Variants in GALK2 observed in about 807,000 individuals in gnomAD.
The protein encoded by GALK2 is galactokinase 2, also known as N-acetylgalactosamine kinase.
GALK2 carries 36 observed loss-of-function variants against 52.4 expected under a neutral mutation model. That is an observed-to-expected ratio of 0.69 (90% CI 0.53 to 0.91). The LOEUF is 0.91. Ranked by LOEUF, GALK2 falls within the 40% of genes least tolerant of loss-of-function variation. The probability of loss-of-function intolerance (pLI) is 0.00; values close to 1 mark genes in which losing one functional copy is unlikely to be tolerated. For missense variants in GALK2, 579 were observed against 559.1 expected (o/e 1.04, Z -0.36); for synonymous variants, 176 against 199.1 (o/e 0.88, Z 0.98).
In GALK2 at chr15:49,283,723, G is replaced by T; in HGVS notation, c.756+5G>T. The T allele has an allele frequency of 6.2e-7, 1 of 1,613,318 alleles. No individual in the cohort carries two copies. The highest frequency in any genetic ancestry group is 1.1e-5 in the South Asian group (1 of 90,814). ...GAGTGTCGGCTGGCTGCGAAGGTAT[G>T]AACTTGGCAGGCTAGTGAAACTTGA... is the stretch of plus-strand genomic sequence containing the variant. On this transcript the variant is annotated splice_donor_5th_base_variant and intron_variant, in intron 7 of 9. Transcript: ENST00000560031.
intron 1 of GALK2, among the ~76,000 whole-genome samples, chr15:49,200,786 C>G (rs138532845): frequency 6.6e-6 from 1 of 152,122 alleles, no homozygotes; most frequent in Non-Finnish European, 1.5e-5. Context: ...AATATACTAC[C>G]GCATGGTACA....
chr15:49,327,129 C>A (rs1851839384), intron 9 of GALK2: 1 of 152,148 alleles, frequency 6.6e-6, no homozygotes, highest in Non-Finnish European at 1.5e-5. Flanking sequence ...TGGTTGAAAT[C>A]TTAGGTTTGA....
At chr15:49,365,439 T>C (rs2044980505) in intron 3 of GALK2, 8 of 923,702 alleles carry the variant, frequency 8.7e-6, no homozygotes, top group Non-Finnish European at 1.4e-5. Context: ...AACAGGCCTG[T>C]ACAATAATGT....
At chr15:49,364,328 T>G (rs1023586752) in intron 3 of GALK2, among the ~76,000 whole-genome samples, 1 of 152,168 alleles carries the variant, frequency 6.6e-6, no homozygotes, top group African/African-American at 2.4e-5. Flanking sequence ...AGTTTATTCC[T>G]AGTTCAATCT....
intron 3 of GALK2, among the ~76,000 whole-genome samples, chr15:49,226,398 T>C (rs1251083089): frequency 6.6e-6 from 1 of 152,146 alleles, no homozygotes; most frequent in Non-Finnish European, 1.5e-5. Flanking sequence ...TCAGTGTCAG[T>C]GTTGCTTCTC....
intron 4 of GALK2, 108 bp downstream of exon 4, chr15:49,236,049 T>A (rs1200071563): frequency 1.4e-6 from 1 of 720,722 alleles, no homozygotes; most frequent in Non-Finnish European, 2.4e-6. Flanking sequence ...TACTAACCGA[T>A]GCTTCTGTTC....
rs2086285524 is a variant in GALK2 at position 49,185,647 on chromosome 15, T to C, written c.53+15272T>C. On this transcript the variant is annotated intron_variant, in intron 1 of 9. Transcript: ENST00000560031. ...GCATCTGTTAGTTTTTGACACATTTTGGTAACAGCCATTCTGACTAGTGTA... is the reference window on the plus strand; with the variant it reads ...GCATCTGTTAGTTTTTGACACATTTCGGTAACAGCCATTCTGACTAGTGTA... 4 of 152,344 alleles carry C rather than the reference T, an allele frequency of 2.6e-5. No homozygotes were observed. In the South Asian group the frequency reaches 6.2e-4, roughly 24 times the overall value. The allele number at this position is 152,344 out of a possible 1,614,324, so 9.4% of individuals were successfully genotyped here. A position where few individuals can be genotyped will look rare whatever the true frequency, so the allele number is the denominator to read the frequency against.
chr15:49,215,916 G>T (rs2089325029), intron 2 of GALK2, among the ~76,000 whole-genome samples: 1 of 152,180 alleles, frequency 6.6e-6, no homozygotes, highest in Non-Finnish European at 1.5e-5. Flanking sequence ...TGAGTGTGTT[G>T]TGCTCTAAGC....
intron 3 of GALK2, among the ~76,000 whole-genome samples, chr15:49,231,662 A>G (rs1265446864): frequency 1.3e-5 from 2 of 152,272 alleles, no homozygotes; most frequent in African/African-American, 4.8e-5. Flanking sequence ...GTGAGGGTAC[A>G]GGCACTGGGT....
chr15:49,291,853 C>A (rs908222739), intron 7 of GALK2, among the ~76,000 whole-genome samples: 5 of 152,166 alleles, frequency 3.3e-5, no homozygotes, highest in African/African-American at 1.2e-4. Context: ...CATATAATGC[C>A]ATTTTCAAAG....
intron 3 of GALK2, chr15:49,353,645 T>C (rs1420682332): frequency 7.3e-6 from 1 of 137,080 alleles, no homozygotes. Flanking sequence ...ATCTCATAAA[T>C]AATAGAACAA....
chr15:49,240,778 TG>T (rs2091056811), intron 5 of GALK2, among the ~76,000 whole-genome samples: 1 of 152,198 alleles, frequency 6.6e-6, no homozygotes, highest in South Asian at 2.1e-4. Context: ...GATCAGTTGC[TG>T]GGCCTTGTAA....
intron 8 of GALK2, among the ~76,000 whole-genome samples, chr15:49,306,479 A>G (rs2035555365): frequency 6.6e-6 from 1 of 152,194 alleles, no homozygotes; most frequent in Admixed American, 6.5e-5. Context: ...AATAATAACT[A>G]AAGTGTTCTA....
At chr15:49,354,009 A>T (rs1273135700) in intron 3 of GALK2, 2 of 152,246 alleles carry the variant, frequency 1.3e-5, no homozygotes, top group African/African-American at 2.4e-5. Flanking sequence ...AATAATGGTA[A>T]AAAGAATACA....
At chr15:49,246,053 G>A (rs1021155779) in intron 5 of GALK2, among the ~76,000 whole-genome samples, 4 of 152,150 alleles carry the variant, frequency 2.6e-5, no homozygotes, top group African/African-American at 9.7e-5. Context: ...ACACCTTTCA[G>A]AAAGTGTTGT....
Position 49,331,401 on chromosome 15 carries a change from T to G in GALK2, c.*3242T>G, listed in dbSNP as rs981665939. On this transcript the variant is annotated 3_prime_UTR_variant, in exon 10 of 10. Coordinates refer to ENST00000560031, the MANE Select transcript of GALK2 (RefSeq NM_002044.4). ...TTTAGAACCTTATCATATTCTGCCT[T>G]GATAATTGAGGGCAGGGACCATTCA... 1 of 174,664 alleles carries G rather than the reference T, an allele frequency of 5.7e-6. No homozygotes were observed. The highest frequency in any genetic ancestry group is 1.2e-5 in the Non-Finnish European group (1 of 82,552). 10.8% of individuals were successfully genotyped at this position (174,664 alleles called of 1,614,324 possible).
intron 1 of GALK2, among the ~76,000 whole-genome samples, chr15:49,162,419 T>C (rs2084684456): frequency 6.6e-6 from 1 of 152,222 alleles, no homozygotes; most frequent in African/African-American, 2.4e-5. Flanking sequence ...TTTCAGTTTG[T>C]GGCTAATATA....
chr15:49,156,209 C>T (rs964928425), intron 1 of GALK2: 2 of 605,446 alleles, frequency 3.3e-6, no homozygotes, highest in Non-Finnish European at 5.9e-6. Context: ...AAATCTTACT[C>T]AGTTGTTCAA....
rs181899984 is a variant in GALK2 at position 49,264,901 on chromosome 15, C to T, written c.505-17086C>T. On this transcript the variant is annotated intron_variant, in intron 5 of 9. Transcript: ENST00000560031. ...TGTAGTACAGCGGATTTTCGTGAAC[C>T]GCGAATGCTGCTGTCTGATCGTTCC... 1.8e-3 allele frequency among the ~76,000 whole-genome samples: 274 copies of T among 152,270 alleles called. 1 individual carries two copies. Among genetic ancestry groups the T allele is most frequent in the African/African-American group, 6.1e-3 (253 of 41,558 alleles).
Sources: gnomAD v4.1 joint callset for allele counts (sites outside exome capture counted in the v4.1 genomes callset) on GRCh38, gnomAD v4.1.1 for gene constraint, MANE v1.5 for transcripts, NCBI Gene and HGNC (gene_info 2026-07-23, HGNC 2026-07-21) for gene names.